The following PALD1 variants were observed in gnomAD, a reference collection of about 807,000 sequenced individuals.
PALD1 encodes the protein phosphatase domain containing paladin 1.
In PALD1, 57 loss-of-function variants were observed where a neutral mutation model predicts 96.0. The ratio of observed to expected loss-of-function variants is 0.59; its 90% CI spans 0.48 to 0.74. The LOEUF is 0.74. PALD1 is among the 30% of genes least tolerant of loss of function. PALD1 has a pLI of 0.00. For missense variants in PALD1, 1,063 were observed against 1,143.7 expected, an observed-to-expected ratio of 0.93 and a Z score of 1.02; for synonymous variants, 464 against 473.6, an observed-to-expected ratio of 0.98 and a Z score of 0.26.
chr10:70,531,380 A>G lies in PALD1; in HGVS notation c.559A>G (p.Asn187Asp), dbSNP rs200865167. 2 of 1,614,074 alleles carry G rather than the reference A, an allele frequency of 1.2e-6. No homozygotes were observed. The highest frequency in any genetic ancestry group is 2.2e-5 in the East Asian group (1 of 44,882). The part of the protein sequence containing the change: ...FVSYTPRDKQ[N>D]LHENLQGLGP... ...GTCCTACACACCTCGAGACAAGCAG[A>G]ACCTTCATGAGAACCTCCAGGGCCT... is the stretch of plus-strand genomic sequence containing the variant. Residue 187 changes from asparagine to aspartate, a missense_variant, in exon 5 of 20, where the codon AAC (asparagine) becomes GAC (aspartate). Asn to Asp is a conservative substitution (Grantham distance 23, BLOSUM62 1). Coordinates refer to ENST00000263563, the MANE Select transcript of PALD1 (RefSeq NM_014431.3).
intron 12 of PALD1, 88 bp from the exon 13 acceptor site, chr10:70,538,804 A>AC: frequency 3.7e-6 from 4 of 1,092,476 alleles, no homozygotes; most frequent in South Asian, 2.5e-5. Context: ...GTTCCACCCC[A>AC]CCCCCCGTCT....
At chr10:70,496,380 A>G (rs1846195174) in intron 1 of PALD1, among the ~76,000 whole-genome samples, 1 of 152,114 alleles carries the variant, frequency 6.6e-6, no homozygotes, top group South Asian at 2.1e-4. Flanking sequence ...GAACATTTCC[A>G]GTGCCCCAGA....
intron 1 of PALD1, among the ~76,000 whole-genome samples, chr10:70,488,518 G>A (rs774433562): frequency 3.3e-5 from 5 of 152,188 alleles, no homozygotes; most frequent in South Asian, 2.1e-4. Flanking sequence ...GTCCCCGTAG[G>A]TAACACTGTC....
At chr10:70,525,227 G>T (rs1846831363) in intron 1 of PALD1, among the ~76,000 whole-genome samples, 1 of 151,332 alleles carries the variant, frequency 6.6e-6, no homozygotes, top group Non-Finnish European at 1.5e-5. Context: ...GGCCAGGATG[G>T]TCTCGAACTC....
In PALD1 at chr10:70,540,277, T is replaced by A. The variant is rs376158763; in HGVS notation, c.1908+515T>A. On this transcript the variant is annotated intron_variant, in intron 15 of 19. Transcript: ENST00000263563. This position sits in a 1 kb window ranked among gnomAD's most constrained non-coding sequence, Gnocchi z 4.2. ...GACTGTGTATGGAGTGTGTGGGTGG[T>A]GTGTGGAATGTGTGTGTGTGTGCAT... Among the ~76,000 whole-genome samples, 1 of 150,202 alleles carries A rather than the reference T, an allele frequency of 6.7e-6. No individual in the cohort carries two copies. Among genetic ancestry groups the A allele is most frequent in the Admixed American group, 6.6e-5 (1 of 15,074 alleles).
intron 1 of PALD1, among the ~76,000 whole-genome samples, chr10:70,490,405 A>G (rs1033516277): frequency 6.6e-6 from 1 of 152,184 alleles, no homozygotes; most frequent in Non-Finnish European, 1.5e-5. Context: ...AGTTTTTTTA[A>G]TAGAGACAAG....
chr10:70,475,399 G>T (rs1845810911), upstream of PALD1, among the ~76,000 whole-genome samples: 5 of 152,282 alleles, frequency 3.3e-5, no homozygotes, highest in South Asian at 1.0e-3. Context: ...AGAGACCACT[G>T]GGCTCAGGGC....
Position 70,507,760 on chromosome 10 carries a change from T to C in PALD1, c.-29-18163T>C, listed in dbSNP as rs947707020. ...TATGTTTTGTGTGTGCGTGTGTGTG[T>C]GTGTGTGTGTGTGTGTGTGTGTGTG... On this transcript the variant is annotated intron_variant, in intron 1 of 19. Coordinates refer to ENST00000263563, the MANE Select transcript of PALD1 (RefSeq NM_014431.3). 6.3e-3 allele frequency among the ~76,000 whole-genome samples: 429 copies of C among 68,284 alleles called. 1 individual carries two copies. The East Asian group carries it at 0.16, about 25-fold the overall frequency. 44.8% of individuals were successfully genotyped at this position (68,284 alleles called of 152,430 possible). A position where few individuals can be genotyped will look rare whatever the true frequency, so the allele number is the denominator to read the frequency against.
the PALD1 span, among the ~76,000 whole-genome samples, chr10:70,463,557 T>C: frequency 3.3e-5 from 5 of 152,112 alleles, no homozygotes; most frequent in African/African-American, 1.2e-4. Flanking sequence ...TAGTACCCAC[T>C]GTGTGCCAGA....
At chr10:70,546,941 ACT>A (rs961701105) in intron 17 of PALD1, among the ~76,000 whole-genome samples, 2 of 151,982 alleles carry the variant, frequency 1.3e-5, no homozygotes, top group East Asian at 3.9e-4. Context: ...ACAGAGTGAG[ACT>A]CTGTCTCCAA....
intron 18 of PALD1, 56 bp downstream of exon 18, chr10:70,547,502 A>G (rs1311152890): frequency 1.7e-6 from 2 of 1,183,396 alleles, no homozygotes; most frequent in East Asian, 3.3e-5. Flanking sequence ...CCAGGTGTGC[A>G]CAGCCAGGGA....
intron 1 of PALD1, among the ~76,000 whole-genome samples, chr10:70,508,854 T>TGTGTGTGTGTGTGC (rs1406004914): frequency 8.2e-6 from 1 of 122,354 alleles, no homozygotes; most frequent in Non-Finnish European, 1.8e-5. Context: ...TGTGTGTGTG[T>TGTGTGTGTGTGTGC]GTGCAGGCCT....
chr10:70,516,101 G>A (rs1188043181), intron 1 of PALD1, among the ~76,000 whole-genome samples: 1 of 152,218 alleles, frequency 6.6e-6, no homozygotes, highest in Non-Finnish European at 1.5e-5. Flanking sequence ...GTGCCACCCA[G>A]TAGAAATCTC....
At chr10:70,527,220 T>G (rs950272511) in intron 2 of PALD1, among the ~76,000 whole-genome samples, 1 of 152,220 alleles carries the variant, frequency 6.6e-6, no homozygotes, top group Middle Eastern at 3.2e-3. Context: ...CTCAGTTTCC[T>G]TATCAACATA....
In PALD1 at chr10:70,534,084, CG is replaced by C. The variant is rs777822941; in HGVS notation, c.1022+15del. On this transcript the variant is annotated intron_variant, in intron 8 of 19. Coordinates refer to ENST00000263563, the MANE Select transcript of PALD1 (RefSeq NM_014431.3). ...CACCTCCCAGCCAGAGTGAGTGGCC[CG>C]GGGCCCAGCGTCCTGAAGGGCTGTG... The C allele has an allele frequency of 4.4e-6, 7 of 1,581,700 alleles. No homozygotes were observed. Among genetic ancestry groups the C allele is most frequent in the Non-Finnish European group, 6.0e-6 (7 of 1,161,346 alleles).
chr10:70,539,027 C>T lies in PALD1; in HGVS notation c.1569+19C>T, dbSNP rs370914094. ...CGCCAAGGTGACCGGCCCTCAGGGCCTGGGTCCCCCAGTGGGTTTGGGGAG... is the reference window on the plus strand; with the variant it reads ...CGCCAAGGTGACCGGCCCTCAGGGCTTGGGTCCCCCAGTGGGTTTGGGGAG... On this transcript the variant is annotated intron_variant, in intron 13 of 19. Transcript: ENST00000263563. This position sits in a 1 kb window ranked among gnomAD's most constrained non-coding sequence, Gnocchi z 4.5. 3.1e-6 allele frequency: 5 copies of T among 1,613,462 alleles called. No homozygotes were observed. The African/African-American group carries it at 5.3e-5, about 17-fold the overall frequency.
At chr10:70,463,065 C>T in the PALD1 span, among the ~76,000 whole-genome samples, 1 of 152,156 alleles carries the variant, frequency 6.6e-6, no homozygotes, top group Non-Finnish European at 1.5e-5. Context: ...CAGATTGCAC[C>T]CAGCACATTG....
At chr10:70,497,564 CT>C (rs34038407) in intron 1 of PALD1, among the ~76,000 whole-genome samples, 10,093 of 141,972 alleles carry the variant, frequency 0.071, 689 homozygotes, top group East Asian at 0.44. Flanking sequence ...GCATTAAAAA[CT>C]TTTTTTTTTT....
At chr10:70,505,536 G>A (rs538195304) in intron 1 of PALD1, among the ~76,000 whole-genome samples, 4 of 152,084 alleles carry the variant, frequency 2.6e-5, no homozygotes, top group African/African-American at 7.2e-5. Flanking sequence ...CCCGGGAGGC[G>A]GAGGTTGCCG....
Sources: gnomAD v4.1 joint callset for allele counts (sites outside exome capture counted in the v4.1 genomes callset) on GRCh38, gnomAD v4.1.1 for gene constraint, Gnocchi (gnomAD v3.1) non-coding constraint, MANE v1.5 for transcripts, NCBI Gene and HGNC (gene_info 2026-07-23, HGNC 2026-07-21) for gene names.